The following CRYAB variants were observed in gnomAD, a reference collection of about 807,000 sequenced individuals.
The protein encoded by CRYAB is alpha-crystallin B chain.
Under a neutral mutation model 12.7 loss-of-function variants are expected in CRYAB, and 9 were observed. That is an observed-to-expected ratio of 0.71 (90% CI 0.43 to 1.24). CRYAB has a LOEUF of 1.24. CRYAB is among the 50% of genes most tolerant of loss of function. The pLI, the probability that CRYAB is intolerant of heterozygous loss-of-function variation, is 0.00. For synonymous variants in CRYAB, 93 were observed against 86.8 expected (o/e 1.07, Z -0.40); for missense variants, 183 against 226.6 (o/e 0.81, Z 1.24).
At chr11:111,913,043 A>G (rs560871797), upstream of CRYAB, 2,152 of 677,182 alleles carry the variant, frequency 3.2e-3, 8 homozygotes, top group Non-Finnish European at 3.0e-3. Context: ...GGGACCAGCC[A>G]CCCCCCACCC....
chr11:111,914,116 C>CT, upstream of CRYAB: 1 of 511,914 alleles, frequency 2.0e-6, no homozygotes, highest in Non-Finnish European at 3.4e-6. Flanking sequence ...GCTCCCTATT[C>CT]TGTGGCCGGG....
upstream of CRYAB, chr11:111,913,903 A>T: frequency 6.3e-7 from 1 of 1,596,640 alleles, no homozygotes; most frequent in Non-Finnish European, 8.5e-7. Flanking sequence ...TGATTGCCAC[A>T]GACCCAGCAC....
upstream of CRYAB, chr11:111,913,772 A>G (rs1281367938): frequency 1.2e-6 from 2 of 1,614,024 alleles, no homozygotes; most frequent in Non-Finnish European, 1.7e-6. Context: ...ATGGCATCTT[A>G]AACCTGGAAG....
chr11:111,920,039 C>A (rs1458149960), intron 1 of CRYAB, among the ~76,000 whole-genome samples: 1 of 151,394 alleles, frequency 6.6e-6, no homozygotes, highest in Non-Finnish European at 1.5e-5. Flanking sequence ...ACTGAAAATA[C>A]AAAAAATTAG....
upstream of CRYAB, chr11:111,912,875 T>A (rs782344742): frequency 1.9e-6 from 3 of 1,609,586 alleles, no homozygotes; most frequent in African/African-American, 4.0e-5. Context: ...CACCGCCGAG[T>A]ACGAATTTGC....
At chr11:111,913,221 C>T (rs1965528139), upstream of CRYAB, 2 of 607,448 alleles carry the variant, frequency 3.3e-6, no homozygotes, top group East Asian at 5.5e-5. Flanking sequence ...CCTCCCCCTC[C>T]TCCTCCTTCT....
At chr11:111,912,143 A>C, upstream of CRYAB, 1 of 239,920 alleles carries the variant, frequency 4.2e-6, no homozygotes, top group Non-Finnish European at 8.3e-6. Context: ...TGCCAGGGGA[A>C]TCAGGCCAGC....
At chr11:111,913,647 G>A (rs781975640), upstream of CRYAB, 36 of 1,614,010 alleles carry the variant, frequency 2.2e-5, 1 homozygote, top group Admixed American at 5.0e-5. Flanking sequence ...GGAGGTGTCT[G>A]CCCGGCACCC....
At chr11:111,909,246 T>C (rs1555165306) in intron 2 of CRYAB, 1 of 510,824 alleles carries the variant, frequency 2.0e-6, no homozygotes, top group Non-Finnish European at 3.8e-6. Flanking sequence ...CCCAAAGGTT[T>C]AGATCAATGT....
rs1237590699 is a variant in CRYAB, at chr11:111,911,613, A to G, written c.112T>C (p.Phe38Leu). 16 of 1,612,972 alleles carry G rather than the reference A, an allele frequency of 9.9e-6. No individual in the cohort carries two copies. Among genetic ancestry groups the G allele is most frequent in the Non-Finnish European group, 1.4e-5 (16 of 1,179,708 alleles). ...GGACTCAGGGAAGTAGACGTCGGGAAAAGATCAGACTCCAACAGGTGCTCT... is the reference window on the plus strand; with the variant it reads ...GGACTCAGGGAAGTAGACGTCGGGAGAAGATCAGACTCCAACAGGTGCTCT... The part of the protein sequence containing the change: ...FGEHLLESDL[F>L]PTSTSLSPFY... Residue 38 changes from phenylalanine to leucine, a missense_variant, in exon 1 of 3, where the codon TTC becomes CTC. This residue lies in a region of CRYAB where 86 missense variants were observed against 96.1 expected (regional missense o/e 0.89). Transcript: ENST00000650687.
intron 1 of CRYAB, chr11:111,910,910 A>T: frequency 7.4e-6 from 2 of 270,676 alleles, no homozygotes; most frequent in Non-Finnish European, 7.2e-6. Flanking sequence ...CTCACACTTG[A>T]ATATTTTTAA....
At chr11:111,912,281 C>T (rs1555165681), upstream of CRYAB, 1 of 186,612 alleles carries the variant, frequency 5.4e-6, no homozygotes, top group African/African-American at 2.4e-5. Flanking sequence ...TGCCTCGTGC[C>T]CTGGGTTGAC....
At chr11:111,913,960 A>G (rs1965555458), upstream of CRYAB, 1 of 1,383,032 alleles carries the variant, frequency 7.2e-7, no homozygotes, top group Non-Finnish European at 9.9e-7. Flanking sequence ...GCAGCTGCCC[A>G]CCACTCCAGA....
upstream of CRYAB, chr11:111,913,164 C>T (rs1965524370): frequency 1.7e-6 from 1 of 605,196 alleles, no homozygotes; most frequent in Non-Finnish European, 3.0e-6. Flanking sequence ...CTGGGTGTGC[C>T]TCCTTGTCCC....
At chr11:111,913,768 T>A, upstream of CRYAB, 4 of 1,614,154 alleles carry the variant, frequency 2.5e-6, no homozygotes, top group Non-Finnish European at 3.4e-6. Context: ...CATGATGGCA[T>A]CTTAAACCTG....
intron 1 of CRYAB, among the ~76,000 whole-genome samples, chr11:111,920,399 A>C (rs1965672459): frequency 6.6e-6 from 1 of 151,336 alleles, no homozygotes; most frequent in Non-Finnish European, 1.5e-5. Context: ...TTAGCCAGGC[A>C]TGGTGGCACA....
At chr11:111,918,737 T>C in intron 1 of CRYAB, 1 of 682,690 alleles carries the variant, frequency 1.5e-6, no homozygotes, top group Non-Finnish European at 2.7e-6. Context: ...ACGCTTCAAA[T>C]CCTGAAGTTG....
chr11:111,918,798 C>T, intron 1 of CRYAB: 1 of 723,562 alleles, frequency 1.4e-6, no homozygotes, highest in Non-Finnish European at 2.5e-6. Context: ...TGGCTGGGAA[C>T]ACAGTCACCT....
At chr11:111,913,826 C>T (rs1050526), upstream of CRYAB, 3 of 1,614,096 alleles carry the variant, frequency 1.9e-6, no homozygotes, top group South Asian at 1.1e-5. Context: ...TCAATGAGGT[C>T]TACATCTCCC....
Sources: allele counts gnomAD v4.1 joint callset (sites outside exome capture counted in the v4.1 genomes callset), GRCh38; gene constraint gnomAD v4.1.1; regional missense constraint gnomAD v4.1.1; transcripts MANE v1.5; gene names NCBI Gene and HGNC (gene_info 2026-07-23, HGNC 2026-07-21).